The following NUP98 variants were observed in gnomAD, a reference collection of about 807,000 sequenced individuals.
NUP98 encodes the protein nucleoporin 98 and 96 precursor, also known as nuclear pore complex protein Nup98-Nup96.
NUP98 carries 26 observed loss-of-function variants against 191.9 expected under a neutral mutation model. The ratio of observed to expected loss-of-function variants is 0.14; its 90% CI spans 0.10 to 0.19. The LOEUF is 0.19. Ranked by LOEUF, NUP98 falls within the 10% of genes least tolerant of loss-of-function variation. The pLI, the probability that NUP98 is intolerant of heterozygous loss-of-function variation, is 1.00. For synonymous variants in NUP98, 808 were observed against 778.4 expected (o/e 1.04, Z -0.63); for missense variants, 1,941 against 2,178.8 (o/e 0.89, Z 2.17).
At chr11:3,731,337 T>C in intron 14 of NUP98, 54 bp downstream of exon 14, 1 of 1,125,616 alleles carries the variant, frequency 8.9e-7, no homozygotes, top group Non-Finnish European at 1.2e-6. Flanking sequence ...TTATTTCATA[T>C]TTAGTTTATA....
At chr11:3,721,025 A>T in intron 16 of NUP98, 200 bp from the exon 17 acceptor site, 1 of 388,900 alleles carries the variant, frequency 2.6e-6, no homozygotes, top group Non-Finnish European at 4.6e-6. Context: ...TTCATGGTCA[A>T]ATAGGTTTGA....
chr11:3,780,812 G>C (rs1337252503), intron 2 of NUP98, among the ~76,000 whole-genome samples: 1 of 151,918 alleles, frequency 6.6e-6, no homozygotes, highest in Non-Finnish European at 1.5e-5. Context: ...AGGCGCAGTG[G>C]CTCACACCTG....
At chr11:3,709,309 G>A (rs1371943049) in intron 20 of NUP98, among the ~76,000 whole-genome samples, 4 of 152,128 alleles carry the variant, frequency 2.6e-5, no homozygotes, top group Non-Finnish European at 5.9e-5. Flanking sequence ...TTGGGAGGCT[G>A]AGGCGGATCA....
intron 15 of NUP98, among the ~76,000 whole-genome samples, 167 bp downstream of exon 15, chr11:3,724,936 G>A (rs1322717775): frequency 6.6e-6 from 1 of 152,036 alleles, no homozygotes; most frequent in Non-Finnish European, 1.5e-5. Flanking sequence ...AAGGTTTAAT[G>A]AATTCAAAAG....
At chr11:3,781,280 GAA>G (rs1282582298) in intron 2 of NUP98, 3 of 150,960 alleles carry the variant, frequency 2.0e-5, no homozygotes, top group Non-Finnish European at 4.4e-5. Flanking sequence ...CTCCTGGAAA[GAA>G]AGAGATAAAA....
At position 3,725,230 on chromosome 11, in the gene NUP98, G is replaced by A. The variant is rs775140453; in HGVS notation, c.1731-11C>T. On this transcript the variant is annotated splice_polypyrimidine_tract_variant and intron_variant, in intron 14 of 32. Transcript: ENST00000324932. ...TTCTTAATGCTCTTCCTATAAACAA[G>A]AAACCAAAAGAAGAAGAAAAAAATT... 13 of 1,287,808 alleles carry A rather than the reference G, an allele frequency of 1.0e-5. No homozygotes were observed. In the East Asian group the frequency reaches 2.8e-4, roughly 28 times the overall value. The allele number at this position is 1,287,808 out of a possible 1,614,324, so 79.8% of individuals were successfully genotyped here.
intron 26 of NUP98, among the ~76,000 whole-genome samples, chr11:3,695,109 G>A (rs1408561764): frequency 3.3e-5 from 5 of 152,168 alleles, no homozygotes; most frequent in Non-Finnish European, 1.5e-5. Flanking sequence ...GATGCAGTGA[G>A]CCAAGATCAC....
At position 3,778,898 on chromosome 11, in the gene NUP98, T is replaced by G. The variant is rs747366978; in HGVS notation, c.330A>C (p.Ala110=). 13 of 1,614,164 alleles carry G rather than the reference T, an allele frequency of 8.1e-6. No individual in the cohort carries two copies. The highest frequency in any genetic ancestry group is 1.1e-5 in the Non-Finnish European group (13 of 1,180,024). ...TGCCAAAGCCAGTTGGTTTATTTTGTGCAAAGGCATTGTTTTGGGATGAGA... is the reference window on the plus strand; with the variant it reads ...TGCCAAAGCCAGTTGGTTTATTTTGGGCAAAGGCATTGTTTTGGGATGAGA... ...SLFSSQNNAF[A]QNKPTGFGNF... is the part of the protein sequence containing the mutation. The change falls in exon 4 of 33, where the codon GCA becomes GCC. Residue 110 remains alanine, a synonymous_variant. Coordinates refer to ENST00000324932, the MANE Select transcript of NUP98 (RefSeq NM_016320.5).
chr11:3,784,894 TG>T (rs1419373745), intron 1 of NUP98, among the ~76,000 whole-genome samples: 1 of 152,070 alleles, frequency 6.6e-6, no homozygotes, highest in Non-Finnish European at 1.5e-5. Flanking sequence ...TCCAACACTT[TG>T]GGAGGCAGAG....
chr11:3,695,696 C>G, intron 25 of NUP98, 90 bp from the exon 26 acceptor site: 2 of 928,492 alleles, frequency 2.2e-6, no homozygotes, highest in Non-Finnish European at 3.0e-6. Context: ...TTCTTCCAGC[C>G]TTCAGAAGGG....
In NUP98 at chr11:3,782,145, G is replaced by C. The variant is rs1426985841; in HGVS notation, c.-28C>G. 6.5e-6 allele frequency: 10 copies of C among 1,529,352 alleles called. No homozygotes were observed. In the Admixed American group the frequency reaches 7.1e-5, roughly 11 times the overall value. The allele number at this position is 1,529,352 out of a possible 1,614,324, so 94.7% of individuals were successfully genotyped here. The stretch of plus-strand genomic sequence containing the variant: ...TCAAAATGAGTCTTTGTTTCAGAAA[G>C]CTGGGAAAAAGAAAACATTATCACT... On this transcript the variant is annotated splice_region_variant and 5_prime_UTR_variant, in exon 2 of 33. Transcript: ENST00000324932.
chr11:3,682,598 T>G (rs2078015371), intron 30 of NUP98, among the ~76,000 whole-genome samples: 1 of 152,178 alleles, frequency 6.6e-6, no homozygotes, highest in African/African-American at 2.4e-5. Context: ...CTTATATGGA[T>G]GCAGTTGGTG....
rs777049183 is a variant in NUP98, at chr11:3,778,922, G to A, written c.306C>T (p.Phe102=). Residue 102 remains phenylalanine (F), a synonymous_variant, in exon 4 of 33, where the codon TTC becomes TTT. Coordinates refer to ENST00000324932, the MANE Select transcript of NUP98 (RefSeq NM_016320.5). ...GTGCAAAGGCATTGTTTTGGGATGAGAAGAGACTGGTCCCTGTGCTTGCAG... is the reference window on the plus strand; with the variant it reads ...GTGCAAAGGCATTGTTTTGGGATGAAAAGAGACTGGTCCCTGTGCTTGCAG... ...FGTASTGTSL[F]SSQNNAFAQN... 4 of 1,614,096 alleles carry A rather than the reference G, an allele frequency of 2.5e-6. No homozygotes were observed. The highest frequency in any genetic ancestry group is 3.4e-6 in the Non-Finnish European group (4 of 1,180,048).
chr11:3,712,737 G>A lies in NUP98; in HGVS notation c.2578-9C>T, dbSNP rs764992121. On this transcript the variant is annotated splice_polypyrimidine_tract_variant and intron_variant, in intron 19 of 32. Transcript: ENST00000324932. ...TTAGAAAAATGGGAGACCTAAGGAA[G>A]AGAAGAACCCCACAAAACAACTTAA... The A allele has an allele frequency of 6.2e-6, 10 of 1,611,074 alleles. No homozygotes were observed. Among genetic ancestry groups the A allele is most frequent in the East Asian group, 2.2e-5 (1 of 44,894 alleles).
At chr11:3,770,116 T>A (rs554309340) in intron 7 of NUP98, among the ~76,000 whole-genome samples, 1 of 150,008 alleles carries the variant, frequency 6.7e-6, no homozygotes, top group African/African-American at 2.5e-5. Context: ...AGGCCGAGGC[T>A]GGTTAATCGC....
At chr11:3,784,033 A>T (rs2082060319) in intron 1 of NUP98, among the ~76,000 whole-genome samples, 1 of 152,246 alleles carries the variant, frequency 6.6e-6, no homozygotes, top group Non-Finnish European at 1.5e-5. Flanking sequence ...TTTCAGCATA[A>T]AAACTCTGAA....
intron 7 of NUP98, among the ~76,000 whole-genome samples, chr11:3,770,060 T>C (rs1381005471): frequency 1.5e-5 from 2 of 137,202 alleles, no homozygotes; most frequent in African/African-American, 2.8e-5. Flanking sequence ...AAAAAAACAA[T>C]TAGGGCTGGC....
intron 1 of NUP98, among the ~76,000 whole-genome samples, chr11:3,796,832 C>CA (rs2082635229): frequency 6.6e-6 from 1 of 152,196 alleles, no homozygotes; most frequent in Admixed American, 6.5e-5. Context: ...TCCAGAAACT[C>CA]AATCTGTCTC....
At chr11:3,736,708 A>C (rs1194716309) in intron 12 of NUP98, among the ~76,000 whole-genome samples, 2 of 152,244 alleles carry the variant, frequency 1.3e-5, no homozygotes, top group African/African-American at 4.8e-5. Context: ...AATTTGTTTC[A>C]TTGTGGAAAT....
Sources: allele counts gnomAD v4.1 joint callset (sites outside exome capture counted in the v4.1 genomes callset), GRCh38; gene constraint gnomAD v4.1.1; transcripts MANE v1.5; gene names NCBI Gene and HGNC (gene_info 2026-07-23, HGNC 2026-07-21).